The following SEM1 variants were observed in gnomAD, a reference collection of about 807,000 sequenced individuals.
SEM1 encodes SEM1 26S proteasome subunit, also known as 26S proteasome complex subunit SEM1.
SEM1 carries 3 observed loss-of-function variants against 12.7 expected under a neutral mutation model. The observed-to-expected ratio is 0.24, with a 90% CI of 0.11 to 0.61. The LOEUF (loss-of-function observed/expected upper bound fraction) is 0.61. Ranked by LOEUF, SEM1 falls within the 20% of genes least tolerant of loss-of-function variation. SEM1 has a pLI of 0.88. For synonymous variants in SEM1, 30 were observed against 27.8 expected (o/e 1.08, Z -0.25); for missense variants, 59 against 81.3 (o/e 0.73, Z 1.06).
At chr7:96,484,772 C>T (rs985597172) in intron 3 of SEM1, 2 of 1,137,322 alleles carry the variant, frequency 1.8e-6, no homozygotes, top group Admixed American at 2.4e-5. Context: ...AAAATCCTCT[C>T]ACCATACAGA....
downstream of SEM1, among the ~76,000 whole-genome samples, chr7:96,671,162 TAA>T (rs1225110924): frequency 6.6e-6 from 1 of 152,160 alleles, no homozygotes; most frequent in Non-Finnish European, 1.5e-5. Flanking sequence ...CTAGAAAAAT[TAA>T]GACACCTTGA....
chr7:96,621,300 C>G (rs1807884498), downstream of SEM1, among the ~76,000 whole-genome samples: 1 of 152,072 alleles, frequency 6.6e-6, no homozygotes, highest in Non-Finnish European at 1.5e-5. Flanking sequence ...TTGCAGCATC[C>G]ACATAATTGA....
chr7:96,483,673 C>A, exon 4 of SEM1: 1 of 660,296 alleles, frequency 1.5e-6, no homozygotes. Flanking sequence ...CAATTAAATG[C>A]TTCTAATCAT....
chr7:96,680,024 C>A (rs1429506588), intron 2 of SEM1, among the ~76,000 whole-genome samples: 1 of 152,108 alleles, frequency 6.6e-6, no homozygotes, highest in Non-Finnish European at 1.5e-5. Flanking sequence ...ACACATGGGT[C>A]ATACCAGAAG....
At chr7:96,521,822 C>T (rs532840202) in intron 2 of SEM1, among the ~76,000 whole-genome samples, 2 of 152,186 alleles carry the variant, frequency 1.3e-5, no homozygotes, top group East Asian at 3.9e-4. Context: ...GTTTGCCATT[C>T]TCTGTGCAGA....
chr7:96,557,933 G>A (rs562566690), intron 2 of SEM1, among the ~76,000 whole-genome samples: 2 of 152,124 alleles, frequency 1.3e-5, no homozygotes, highest in Non-Finnish European at 2.9e-5. Flanking sequence ...GGCAGTATTC[G>A]GGTGGGAGTG....
At chr7:96,489,467 G>A (rs1429410392) in intron 1 of SEM1, among the ~76,000 whole-genome samples, 3 of 152,162 alleles carry the variant, frequency 2.0e-5, no homozygotes, top group East Asian at 1.9e-4. Context: ...CCAATCTAGA[G>A]TGATGGGTCT....
At chr7:96,571,597 CAT>C (rs140287685) in intron 2 of SEM1, among the ~76,000 whole-genome samples, 6,365 of 150,742 alleles carry the variant, frequency 0.042, 217 homozygotes, top group Non-Finnish European at 0.062. Context: ...CACATATATA[CAT>C]ATATATATAC....
chr7:96,547,800 C>T (rs1805148391), intron 2 of SEM1, among the ~76,000 whole-genome samples: 1 of 152,084 alleles, frequency 6.6e-6, no homozygotes, highest in East Asian at 1.9e-4. Context: ...CTTCCCTGTA[C>T]ACAGGATTCT....
At chr7:96,615,239 A>ATTTTTTTT (rs1421596853) in intron 2 of SEM1, among the ~76,000 whole-genome samples, 1,083 of 97,862 alleles carry the variant, frequency 0.011, 172 homozygotes, top group Middle Eastern at 0.02. Context: ...TTTTTGAGTC[A>ATTTTTTTT]TCTTTTTTTT....
At chr7:96,685,802 AT>A (rs1000540884), downstream of SEM1, among the ~76,000 whole-genome samples, 1 of 151,382 alleles carries the variant, frequency 6.6e-6, no homozygotes, top group African/African-American at 2.4e-5. Context: ...AAAAAAAAAA[AT>A]TGATTGATTA....
intron 2 of SEM1, among the ~76,000 whole-genome samples, chr7:96,530,605 G>T (rs1329277029): frequency 6.6e-6 from 1 of 152,110 alleles, no homozygotes; most frequent in Non-Finnish European, 1.5e-5. Context: ...CCTCATGAGG[G>T]ATAAACTGTC....
intron 1 of SEM1, chr7:96,695,371 T>C (rs1188363762): frequency 6.6e-6 from 1 of 152,004 alleles, no homozygotes; most frequent in Non-Finnish European, 1.5e-5. Flanking sequence ...AATTTATATT[T>C]TTAAAGGAAG....
In SEM1 at chr7:96,580,190, A is replaced by G. The variant is rs892226355; in HGVS notation, c.171-73492T>C. On this transcript the variant is annotated intron_variant and NMD_transcript_variant, in intron 2 of 3. Transcript: ENST00000466986. ...TGTGTCCGTGTGTTCTCGTTGTTCA[A>G]TTCCCACCTATGAGTGAGAATATGC... 3.5e-5 allele frequency among the ~76,000 whole-genome samples: 5 copies of G among 142,652 alleles called. No individual in the cohort carries two copies. The East Asian group carries it at 8.7e-4, about 25-fold the overall frequency. The allele number at this position is 142,652 out of a possible 152,430, so 93.6% of individuals were successfully genotyped here. A position where few individuals can be genotyped will look rare whatever the true frequency, so the allele number is the denominator to read the frequency against.
chr7:96,551,168 A>G (rs1584755935), intron 2 of SEM1, among the ~76,000 whole-genome samples: 1 of 152,140 alleles, frequency 6.6e-6, no homozygotes, highest in South Asian at 2.1e-4. Flanking sequence ...GTTAGATAGG[A>G]AAGACTTTGA....
chr7:96,694,616 A>G (rs1199694737), intron 2 of SEM1, among the ~76,000 whole-genome samples, 182 bp downstream of exon 2: 1 of 152,048 alleles, frequency 6.6e-6, no homozygotes, highest in African/African-American at 2.4e-5. Context: ...GTTGTATGCA[A>G]TTACACAAAG....
At chr7:96,631,089 A>G (rs1399997023) in intron 2 of SEM1, among the ~76,000 whole-genome samples, 1 of 151,958 alleles carries the variant, frequency 6.6e-6, no homozygotes, top group African/African-American at 2.4e-5. Flanking sequence ...CAAGCTGTGC[A>G]GCCTGGGGTT....
intron 2 of SEM1, among the ~76,000 whole-genome samples, chr7:96,544,417 T>C (rs1027557401): frequency 6.6e-6 from 1 of 152,178 alleles, no homozygotes; most frequent in African/African-American, 2.4e-5. Flanking sequence ...AATATAATTA[T>C]AAAGCGCTAT....
intron 2 of SEM1, among the ~76,000 whole-genome samples, chr7:96,653,499 G>T (rs796743107): frequency 6.6e-6 from 1 of 152,186 alleles, no homozygotes; most frequent in South Asian, 2.1e-4. Flanking sequence ...GGTAAGAGAG[G>T]TGGGACAGAA....
Sources: gnomAD v4.1 joint callset for allele counts (sites outside exome capture counted in the v4.1 genomes callset) on GRCh38, gnomAD v4.1.1 for gene constraint, MANE v1.5 for transcripts, NCBI Gene and HGNC (gene_info 2026-07-23, HGNC 2026-07-21) for gene names.